The following SYT1 variants were observed in gnomAD, a reference collection of about 807,000 sequenced individuals.
The protein encoded by SYT1 is synaptotagmin 1.
Under a neutral mutation model 44.8 loss-of-function variants are expected in SYT1, and 8 were observed. The observed-to-expected ratio is 0.18, with a 90% confidence interval of 0.10 to 0.32. The LOEUF (loss-of-function observed/expected upper bound fraction) is 0.32. Among genes scored for constraint, SYT1 ranks in the 10% least tolerant of loss-of-function variants. SYT1 has a pLI of 1.00. For missense variants in SYT1, 286 were observed against 509.3 expected (o/e 0.56, Z 4.22); for synonymous variants, 154 against 188.8 (o/e 0.82, Z 1.51).
chr12:79,373,317 C>G (rs1352945319), intron 9 of SYT1, among the ~76,000 whole-genome samples: 4 of 152,038 alleles, frequency 2.6e-5, no homozygotes, highest in South Asian at 4.1e-4. Flanking sequence ...TATACATTTA[C>G]TTGTAGGTTT....
At position 78,923,567 on chromosome 12, in the gene SYT1, A is replaced by G. The variant is rs553200564; in HGVS notation, c.-216-54232A>G. ...TTATAGAACTATTTAAAAAAAATTT[A>G]TTTTGACATAATTTCAGATTTCAGA... On this transcript the variant is annotated intron_variant, in intron 1 of 10. Coordinates refer to ENST00000261205, the MANE Select transcript of SYT1 (RefSeq NM_005639.3). 1.2e-4 allele frequency among the ~76,000 whole-genome samples: 18 copies of G among 151,858 alleles called. 1 individual carries two copies. Among genetic ancestry groups the G allele is most frequent in the Admixed American group, 5.9e-4 (9 of 15,196 alleles).
intron 9 of SYT1, among the ~76,000 whole-genome samples, chr12:79,376,181 G>A (rs545815217): frequency 6.6e-6 from 1 of 152,260 alleles, no homozygotes; most frequent in African/African-American, 2.4e-5. Flanking sequence ...GAGGGTTCTT[G>A]GATCTTGTGC....
intron 3 of SYT1, among the ~76,000 whole-genome samples, chr12:79,139,910 G>A (rs75518401): frequency 0.11 from 17,457 of 152,228 alleles, 1,311 homozygotes; most frequent in Middle Eastern, 0.22. Context: ...GTGCTGCCAC[G>A]TATGCAGCAT....
intron 1 of SYT1, among the ~76,000 whole-genome samples, chr12:78,879,006 A>C (rs139791571): frequency 5.4e-4 from 82 of 151,806 alleles, no homozygotes; most frequent in African/African-American, 2.0e-3. Context: ...AAGATACATA[A>C]AATTTCTGCT....
intron 3 of SYT1, among the ~76,000 whole-genome samples, chr12:79,126,971 A>T (rs1431120965): frequency 6.6e-6 from 1 of 152,214 alleles, no homozygotes; most frequent in East Asian, 1.9e-4. Flanking sequence ...AGAGACTCCT[A>T]TGTAGGACCA....
chr12:79,315,080 CA>C (rs1881017928), intron 8 of SYT1, among the ~76,000 whole-genome samples: 1 of 152,036 alleles, frequency 6.6e-6, no homozygotes. Flanking sequence ...TTACATAACC[CA>C]GTGAATATAC....
chr12:78,992,263 C>T (rs979221696), intron 2 of SYT1, among the ~76,000 whole-genome samples: 1 of 152,148 alleles, frequency 6.6e-6, no homozygotes, highest in Non-Finnish European at 1.5e-5. Flanking sequence ...GTCCTTTATA[C>T]ACAATAATTA....
chr12:79,242,194 T>C (rs1876555074), intron 4 of SYT1, among the ~76,000 whole-genome samples: 1 of 152,216 alleles, frequency 6.6e-6, no homozygotes, highest in Non-Finnish European at 1.5e-5. Context: ...ACGAGCTGCA[T>C]GTGGATCACC....
chr12:78,984,561 G>A (rs1251551846), intron 2 of SYT1, among the ~76,000 whole-genome samples: 2 of 151,770 alleles, frequency 1.3e-5, no homozygotes, highest in African/African-American at 4.8e-5. Context: ...AAAACCTAAT[G>A]TGTCTATTTA....
chr12:79,436,613 G>A (rs550761756), intron 9 of SYT1, among the ~76,000 whole-genome samples: 44 of 152,260 alleles, frequency 2.9e-4, no homozygotes, highest in African/African-American at 1.0e-3. Context: ...CACACAAAAG[G>A]ATCATTGCTT....
At chr12:79,296,345 A>G (rs1879874626) in intron 7 of SYT1, 109 bp downstream of exon 7, 30 of 1,157,544 alleles carry the variant, frequency 2.6e-5, no homozygotes, top group Non-Finnish European at 3.3e-5. Flanking sequence ...TCAGGCACTC[A>G]CAATAATTCC....
At chr12:79,170,657 T>C (rs546941810) in intron 3 of SYT1, among the ~76,000 whole-genome samples, 57 of 152,052 alleles carry the variant, frequency 3.7e-4, no homozygotes, top group Non-Finnish European at 7.1e-4. Flanking sequence ...ATTGTCTGTT[T>C]ACTCTGTTGA....
chr12:79,438,951 T>A (rs972242318), intron 9 of SYT1, among the ~76,000 whole-genome samples: 1 of 152,094 alleles, frequency 6.6e-6, no homozygotes, highest in Non-Finnish European at 1.5e-5. Flanking sequence ...AGTATAGAGT[T>A]TTCTCAGAGT....
chr12:78,891,776 T>C (rs1875065537), intron 1 of SYT1, among the ~76,000 whole-genome samples: 1 of 151,894 alleles, frequency 6.6e-6, no homozygotes, highest in African/African-American at 2.4e-5. Context: ...TAGTGAGATC[T>C]GTGAAGTAGT....
chr12:79,322,564 C>T (rs1416322381), intron 8 of SYT1, among the ~76,000 whole-genome samples: 1 of 152,118 alleles, frequency 6.6e-6, no homozygotes, highest in Non-Finnish European at 1.5e-5. Context: ...TTGCAGGACA[C>T]TTTAATGTGC....
intron 4 of SYT1, among the ~76,000 whole-genome samples, chr12:79,280,762 A>G (rs950940030): frequency 1.3e-5 from 2 of 151,976 alleles, no homozygotes; most frequent in African/African-American, 4.8e-5. Context: ...CATCCAACAA[A>G]CGGCTAATAT....
At chr12:78,947,832 T>G (rs114665523) in intron 1 of SYT1, among the ~76,000 whole-genome samples, 3 of 151,860 alleles carry the variant, frequency 2.0e-5, no homozygotes, top group African/African-American at 7.2e-5. Context: ...AGGTTGAGTC[T>G]CTACATGGAT....
intron 4 of SYT1, among the ~76,000 whole-genome samples, chr12:79,220,963 T>C (rs562021702): frequency 5.1e-4 from 78 of 152,264 alleles, no homozygotes; most frequent in African/African-American, 1.8e-3. Flanking sequence ...GATTGTAGTT[T>C]AGGTGATGTT....
At chr12:79,285,444 G>C (rs904558363) in intron 4 of SYT1, among the ~76,000 whole-genome samples, 5 of 152,300 alleles carry the variant, frequency 3.3e-5, no homozygotes, top group African/African-American at 1.2e-4. Flanking sequence ...CACACAGCTA[G>C]TAAATGGTGA....
Sources: allele counts gnomAD v4.1 joint callset (sites outside exome capture counted in the v4.1 genomes callset), GRCh38; gene constraint gnomAD v4.1.1; transcripts MANE v1.5; gene names NCBI Gene and HGNC (gene_info 2026-07-23, HGNC 2026-07-21).